AFG2A: variants seen among roughly 807,000 people sequenced by gnomAD.
The protein encoded by AFG2A is AAA ATPase AFG2A, also known as ATPase family gene 2 protein homolog A.
At chr4:123,265,014 T>C in the AFG2A span, among the ~76,000 whole-genome samples, 2 of 152,108 alleles carry the variant, frequency 1.3e-5, no homozygotes, top group African/African-American at 4.8e-5. Context: ...TTTTCTTCTG[T>C]GGCCAAAAGA....
the AFG2A span, among the ~76,000 whole-genome samples, chr4:123,198,612 G>T: frequency 6.6e-6 from 1 of 152,162 alleles, no homozygotes; most frequent in Middle Eastern, 3.4e-3. Context: ...CCATTAATTA[G>T]GACCATTAAA....
chr4:122,937,140 C>T, the AFG2A span, among the ~76,000 whole-genome samples: 29 of 152,086 alleles, frequency 1.9e-4, no homozygotes, highest in Non-Finnish European at 7.4e-5. Context: ...ACACACACCC[C>T]GTCTCAAAAA....
chr4:123,216,335 A>G, the AFG2A span, among the ~76,000 whole-genome samples: 1 of 152,186 alleles, frequency 6.6e-6, no homozygotes, highest in Non-Finnish European at 1.5e-5. Flanking sequence ...AAAAACTTCA[A>G]GTACTCACCT....
At chr4:122,934,503 T>A in the AFG2A span, 1 of 1,614,230 alleles carries the variant, frequency 6.2e-7, no homozygotes, top group Non-Finnish European at 8.5e-7. Context: ...AGCAACTTAC[T>A]GAAGAAGAGA....
the AFG2A span, among the ~76,000 whole-genome samples, chr4:123,293,586 CA>C: frequency 6.6e-6 from 1 of 152,132 alleles, no homozygotes; most frequent in East Asian, 1.9e-4. Flanking sequence ...TGTGAAGATA[CA>C]AGGGTTGAAG....
At chr4:122,933,521 T>C in the AFG2A span, 1 of 1,598,238 alleles carries the variant, frequency 6.3e-7, no homozygotes. Context: ...TTTAAATTGT[T>C]TTCTTAAGTT....
chr4:123,200,668 T>C, the AFG2A span, among the ~76,000 whole-genome samples: 3 of 152,220 alleles, frequency 2.0e-5, no homozygotes, highest in African/African-American at 7.2e-5. Flanking sequence ...GTTACTTTAC[T>C]GTAAAAAATA....
chr4:123,223,815 A>T, the AFG2A span, among the ~76,000 whole-genome samples: 1 of 152,200 alleles, frequency 6.6e-6, no homozygotes, highest in Non-Finnish European at 1.5e-5. Context: ...TTTGGAGACT[A>T]ACCCCTAATA....
At chr4:123,026,581 G>A in the AFG2A span, among the ~76,000 whole-genome samples, 2 of 152,062 alleles carry the variant, frequency 1.3e-5, no homozygotes, top group East Asian at 1.9e-4. Flanking sequence ...TGATTTCTGC[G>A]GTATTTTGAA....
chr4:123,254,351 A>G, the AFG2A span, among the ~76,000 whole-genome samples: 2 of 152,152 alleles, frequency 1.3e-5, no homozygotes, highest in Non-Finnish European at 2.9e-5. Flanking sequence ...TAGTATTCAC[A>G]GTACCATTTC....
At chr4:123,016,996 C>T in the AFG2A span, among the ~76,000 whole-genome samples, 1 of 152,206 alleles carries the variant, frequency 6.6e-6, no homozygotes, top group Non-Finnish European at 1.5e-5. Context: ...GTGGCGCACG[C>T]CTGCAATCGC....
At chr4:123,165,399 A>T in the AFG2A span, among the ~76,000 whole-genome samples, 1 of 152,158 alleles carries the variant, frequency 6.6e-6, no homozygotes, top group Admixed American at 6.5e-5. Flanking sequence ...TAATAAAGTT[A>T]TTAAAAATAA....
chr4:123,023,317 A>G, the AFG2A span, among the ~76,000 whole-genome samples: 2 of 152,188 alleles, frequency 1.3e-5, no homozygotes, highest in Non-Finnish European at 1.5e-5. Context: ...AGCGTCACAC[A>G]ATATACTTGT....
chr4:123,278,612 A>G, the AFG2A span, among the ~76,000 whole-genome samples: 1 of 152,140 alleles, frequency 6.6e-6, no homozygotes, highest in South Asian at 2.1e-4. Context: ...TTCCCTCTCA[A>G]CACTGCCTTA....
the AFG2A span, among the ~76,000 whole-genome samples, chr4:123,097,063 T>C: frequency 6.6e-6 from 1 of 152,048 alleles, no homozygotes; most frequent in African/African-American, 2.4e-5. Context: ...CTTAAACCTT[T>C]GGACTCAAGC....
the AFG2A span, among the ~76,000 whole-genome samples, chr4:123,186,244 G>A: frequency 1.3e-5 from 2 of 152,078 alleles, no homozygotes; most frequent in Non-Finnish European, 2.9e-5. Context: ...TCATTTATGT[G>A]TTTCTGTTTT....
chr4:123,243,858 A>G, the AFG2A span, among the ~76,000 whole-genome samples: 1 of 151,830 alleles, frequency 6.6e-6, no homozygotes, highest in Non-Finnish European at 1.5e-5. Context: ...TGTCCAAAAA[A>G]ATAAAATTTA....
the AFG2A span, among the ~76,000 whole-genome samples, chr4:123,004,237 A>G: frequency 6.6e-6 from 1 of 152,148 alleles, no homozygotes; most frequent in Non-Finnish European, 1.5e-5. Context: ...CAGGAAAGGG[A>G]ACTCCCTGAT....
At chr4:123,194,008 A>T in the AFG2A span, among the ~76,000 whole-genome samples, 3 of 152,246 alleles carry the variant, frequency 2.0e-5, no homozygotes, top group African/African-American at 7.2e-5. Flanking sequence ...GGTATTGTGT[A>T]ATAAGGAACA....
Sources: allele counts gnomAD v4.1 joint callset (sites outside exome capture counted in the v4.1 genomes callset), GRCh38; gene constraint gnomAD v4.1.1; transcripts MANE v1.5; gene names NCBI Gene and HGNC (gene_info 2026-07-23, HGNC 2026-07-21).